Variants in IQCM observed in about 807,000 individuals in gnomAD.
The protein encoded by IQCM is IQ domain-containing protein M.
A neutral mutation model predicts 57.6 loss-of-function variants in IQCM; 45 were observed. The observed-to-expected ratio is 0.78, with a 90% confidence interval of 0.62 to 1.00. The LOEUF is 1.00. Among genes scored for constraint, IQCM ranks in the 50% least tolerant of loss-of-function variants. The pLI, the probability that IQCM is intolerant of heterozygous loss-of-function variation, is 0.00. For synonymous variants in IQCM, 148 were observed against 158.9 expected (o/e 0.93, Z 0.51); for missense variants, 468 against 511.6 (o/e 0.91, Z 0.82).
At chr4:149,677,030 C>A (rs902125895) in intron 7 of IQCM, among the ~76,000 whole-genome samples, 10 of 152,014 alleles carry the variant, frequency 6.6e-5, no homozygotes, top group African/African-American at 2.4e-4. Flanking sequence ...GGCACATCCA[C>A]AATGCCTCAC....
chr4:149,633,167 C>CAAAAA (rs71596216), intron 7 of IQCM, among the ~76,000 whole-genome samples: 11 of 22,914 alleles, frequency 4.8e-4, no homozygotes, highest in South Asian at 5.1e-3. Flanking sequence ...GACTCCGTCT[C>CAAAAA]AAAAAAAAAA....
chr4:149,559,828 C>A (rs962371393), intron 10 of IQCM, among the ~76,000 whole-genome samples: 3 of 152,222 alleles, frequency 2.0e-5, no homozygotes, highest in African/African-American at 7.2e-5. Context: ...CCAGGCTTCA[C>A]AGCAGGAGGT....
chr4:149,685,766 G>A (rs970776376), intron 6 of IQCM, among the ~76,000 whole-genome samples: 1 of 151,480 alleles, frequency 6.6e-6, no homozygotes, highest in African/African-American at 2.4e-5. Context: ...CCAAATATGT[G>A]CTGAAGGGCT....
intron 5 of IQCM, among the ~76,000 whole-genome samples, chr4:149,711,908 G>A (rs975072859): frequency 2.6e-5 from 4 of 152,106 alleles, no homozygotes; most frequent in South Asian, 2.1e-4. Context: ...CATATAAAAC[G>A]CTTTTTTGAT....
intron 13 of IQCM, among the ~76,000 whole-genome samples, chr4:149,421,008 TGTTC>T (rs1300666424): frequency 1.2e-4 from 5 of 40,660 alleles, no homozygotes; most frequent in East Asian, 1.6e-3. Context: ...CCAGCACAAA[TGTTC>T]AGTAGTGCCA....
At chr4:149,428,759 T>G (rs1734625031) in intron 13 of IQCM, among the ~76,000 whole-genome samples, 1 of 151,760 alleles carries the variant, frequency 6.6e-6, no homozygotes, top group South Asian at 2.1e-4. Context: ...AAAAAATACC[T>G]TGTACTTTTT....
intron 7 of IQCM, chr4:149,666,094 C>G (rs570481390): frequency 6.6e-6 from 1 of 152,294 alleles, no homozygotes; most frequent in African/African-American, 2.4e-5. Flanking sequence ...TGGGACTTCA[C>G]CTTGTGTGAG....
chr4:149,633,834 T>C (rs1757494941), intron 7 of IQCM, among the ~76,000 whole-genome samples: 2 of 152,098 alleles, frequency 1.3e-5, no homozygotes, highest in African/African-American at 4.8e-5. Context: ...CTTCCAAAAG[T>C]ATGGGCAACT....
In IQCM at chr4:149,521,164, G is replaced by A. The variant is rs189091248; in HGVS notation, c.1228+27291C>T. Among the ~76,000 whole-genome samples, 23 of 152,092 alleles carry A rather than the reference G, an allele frequency of 1.5e-4. 1 individual carries two copies. The highest frequency in any genetic ancestry group is 5.1e-4 in the African/African-American group (21 of 41,476). ...CTCTTTAAACAAGGCCTTAAATCAG[G>A]TTATTACTTGGAGAACAAGAGGTGA... is the stretch of plus-strand genomic sequence containing the variant. On this transcript the variant is annotated intron_variant, in intron 12 of 13. Coordinates refer to ENST00000636793, the MANE Select transcript of IQCM (RefSeq NM_001363507.2).
At chr4:149,785,606 T>C (rs1772007045) in intron 2 of IQCM, among the ~76,000 whole-genome samples, 1 of 152,068 alleles carries the variant, frequency 6.6e-6, no homozygotes, top group African/African-American at 2.4e-5. Context: ...AGAAAATTTA[T>C]ATTATCTCAA....
chr4:149,562,689 A>G (rs1750239872), intron 10 of IQCM, among the ~76,000 whole-genome samples: 1 of 152,190 alleles, frequency 6.6e-6, no homozygotes, highest in Admixed American at 6.5e-5. Flanking sequence ...GGGATTAAGT[A>G]TATGGAGTGT....
intron 12 of IQCM, among the ~76,000 whole-genome samples, chr4:149,447,121 G>A (rs1020060846): frequency 1.3e-5 from 2 of 151,524 alleles, no homozygotes; most frequent in Admixed American, 6.6e-5. Context: ...GCTAAAGGAT[G>A]TAGTGATATG....
At chr4:149,790,830 A>ATT (rs565475866) in intron 2 of IQCM, among the ~76,000 whole-genome samples, 12 of 149,410 alleles carry the variant, frequency 8.0e-5, no homozygotes, top group African/African-American at 2.5e-4. Context: ...GGTTTATATG[A>ATT]TTTTTTTTTT....
chr4:149,633,275 A>G (rs1377104619), intron 7 of IQCM, among the ~76,000 whole-genome samples: 1 of 151,994 alleles, frequency 6.6e-6, no homozygotes, highest in Non-Finnish European at 1.5e-5. Context: ...ATCAATGTTT[A>G]CAATTATTGG....
intron 13 of IQCM, among the ~76,000 whole-genome samples, chr4:149,364,465 T>C (rs1171937054): frequency 6.6e-6 from 1 of 152,146 alleles, no homozygotes; most frequent in African/African-American, 2.4e-5. Flanking sequence ...GGACAGAGTA[T>C]ATTCATTCAG....
At chr4:149,731,548 T>A (rs1766460273) in intron 5 of IQCM, among the ~76,000 whole-genome samples, 1 of 152,230 alleles carries the variant, frequency 6.6e-6, no homozygotes, top group African/African-American at 2.4e-5. Flanking sequence ...AGGATTTTTG[T>A]CCAGTTTCTC....
intron 7 of IQCM, among the ~76,000 whole-genome samples, chr4:149,621,477 T>A (rs1756331392): frequency 2.6e-5 from 4 of 152,196 alleles, no homozygotes; most frequent in Non-Finnish European, 5.9e-5. Flanking sequence ...GTGTTTTTAT[T>A]GCACAGTGTG....
intron 2 of IQCM, among the ~76,000 whole-genome samples, chr4:149,766,221 G>GCTAA (rs1770042574): frequency 2.6e-5 from 4 of 152,084 alleles, no homozygotes; most frequent in African/African-American, 9.7e-5. Context: ...ACTCCCTGTG[G>GCTAA]CTAACTGAGA....
chr4:149,496,840 C>T (rs1181283477), intron 12 of IQCM, among the ~76,000 whole-genome samples: 1 of 151,986 alleles, frequency 6.6e-6, no homozygotes, highest in African/African-American at 2.4e-5. Context: ...TTCATTAATC[C>T]CTTTATTCAT....
Sources: allele counts gnomAD v4.1 joint callset (sites outside exome capture counted in the v4.1 genomes callset), GRCh38; gene constraint gnomAD v4.1.1; transcripts MANE v1.5; gene names NCBI Gene and HGNC (gene_info 2026-07-23, HGNC 2026-07-21).